PDYN: variants seen among roughly 807,000 people sequenced by gnomAD.
The protein encoded by PDYN is prodynorphin.
PDYN carries 5 observed loss-of-function variants against 11.4 expected under a neutral mutation model. That is an observed-to-expected ratio of 0.44 (90% CI 0.23 to 0.92). The LOEUF (loss-of-function observed/expected upper bound fraction) is 0.92. PDYN is among the 40% of genes least tolerant of loss of function. The pLI is 0.24. For synonymous variants in PDYN, 132 were observed against 129.5 expected (o/e 1.02, Z -0.13); for missense variants, 337 against 317.3 (o/e 1.06, Z -0.47).
At chr20:1,990,812 T>C (rs1317468010) in intron 2 of PDYN, among the ~76,000 whole-genome samples, 1 of 140,474 alleles carries the variant, frequency 7.1e-6, no homozygotes, top group Non-Finnish European at 1.6e-5. Flanking sequence ...GAGAGAGAGA[T>C]GTAAAAAGAG....
rs1568539384 is a variant in PDYN at position 1,982,989 on chromosome 20, C to A, written c.96G>T (p.Lys32Asn). ...CLSRCSLCAV[K>N]TQDGPKPINP... ...TGATAGGTTTGGGACCATCCTGGGT[C>A]TTTACAGCACACAAGGAGCACCGCG... Residue 32 changes from lysine (K) to asparagine (N), a missense_variant, in exon 3 of 4, where the codon AAG becomes AAT. By Grantham distance (94) the Lys-to-Asn change is moderately conservative. Transcript: ENST00000217305. 1 of 1,614,084 alleles carries A rather than the reference C, an allele frequency of 6.2e-7. No homozygotes were observed.
chr20:1,991,911 C>A (rs1352495918), intron 2 of PDYN, among the ~76,000 whole-genome samples: 6 of 152,070 alleles, frequency 3.9e-5, no homozygotes, highest in Admixed American at 2.0e-4. Context: ...GGAGCACCAG[C>A]CCCTCAAATG....
At chr20:1,992,032 G>A (rs542414012) in intron 2 of PDYN, among the ~76,000 whole-genome samples, 18 of 152,242 alleles carry the variant, frequency 1.2e-4, no homozygotes, top group African/African-American at 2.6e-4. Context: ...TCACCACTTC[G>A]GAACAGTGAA....
At chr20:1,989,590 G>T in intron 2 of PDYN, among the ~76,000 whole-genome samples, 1 of 152,194 alleles carries the variant, frequency 6.6e-6, no homozygotes, top group East Asian at 1.9e-4. Context: ...AGGGCTCAGA[G>T]GAGCCGCAAG....
intron 2 of PDYN, among the ~76,000 whole-genome samples, chr20:1,985,138 C>A (rs1165323754): frequency 6.6e-6 from 1 of 152,132 alleles, no homozygotes; most frequent in Non-Finnish European, 1.5e-5. Flanking sequence ...CCCATCCCTG[C>A]AAACTGCCGT....
chr20:1,991,897 G>A (rs944326425), intron 2 of PDYN, among the ~76,000 whole-genome samples: 13 of 152,144 alleles, frequency 8.5e-5, no homozygotes, highest in Admixed American at 3.9e-4. Context: ...ATGGGGAGGG[G>A]AAAGGAGCAC....
intron 2 of PDYN, among the ~76,000 whole-genome samples, chr20:1,984,930 C>T (rs375735993): frequency 3.9e-5 from 6 of 152,152 alleles, no homozygotes; most frequent in South Asian, 4.2e-4. Flanking sequence ...TCATAGTCAG[C>T]GCTTTATAAA....
At chr20:1,993,137 G>A (rs1988523726) in intron 1 of PDYN, among the ~76,000 whole-genome samples, 1 of 149,384 alleles carries the variant, frequency 6.7e-6, no homozygotes, top group Non-Finnish European at 1.5e-5. Context: ...CTGAATATGG[G>A]TCTCTGGACC....
intron 2 of PDYN, among the ~76,000 whole-genome samples, chr20:1,986,486 C>T (rs372444634): frequency 6.6e-6 from 1 of 152,328 alleles, no homozygotes; most frequent in African/African-American, 2.4e-5. Flanking sequence ...TGTCCACTGG[C>T]TTCCAGAGGA....
intron 2 of PDYN, among the ~76,000 whole-genome samples, chr20:1,984,866 T>G (rs1988080722): frequency 6.6e-6 from 1 of 151,908 alleles, no homozygotes; most frequent in Admixed American, 6.6e-5. Context: ...GCCACTGCAC[T>G]CCAGCCTGGG....
chr20:1,980,833 C>A lies in PDYN; in HGVS notation c.255G>T (p.Lys85Asn), dbSNP rs746152392. Residue 85 changes from lysine to asparagine, a missense_variant, in exon 4 of 4, where the codon AAG (lysine) becomes AAT (asparagine). Physicochemically the swap from Lys to Asn is moderately conservative, Grantham distance 94. Transcript: ENST00000217305. ...GLNDKEDLGS[K>N]SVGEGPYSEL... Reference sequence around the variant, plus strand: ...CACTGTAGGGCCCTTCCCCAACCGACTTGCTCCCCAAGTCCTCCTTGTCAT... The same window carrying A: ...CACTGTAGGGCCCTTCCCCAACCGAATTGCTCCCCAAGTCCTCCTTGTCAT... 8 of 1,614,146 alleles carry A rather than the reference C, an allele frequency of 5.0e-6. No individual in the cohort carries two copies. In the African/African-American group the frequency reaches 1.1e-4, roughly 22 times the overall value.
At chr20:1,984,946 C>T (rs933025418) in intron 2 of PDYN, among the ~76,000 whole-genome samples, 12 of 152,052 alleles carry the variant, frequency 7.9e-5, no homozygotes, top group African/African-American at 2.9e-4. Flanking sequence ...ATAAATCAGA[C>T]ATCAAGACTC....
chr20:1,982,883 C>A (rs374354697), intron 3 of PDYN, 73 bp downstream of exon 3: 2 of 1,541,638 alleles, frequency 1.3e-6, no homozygotes. Context: ...CCCAGGCCTG[C>A]AACCTCCCCT....
At chr20:1,987,535 C>G (rs759537516) in intron 2 of PDYN, among the ~76,000 whole-genome samples, 7 of 152,228 alleles carry the variant, frequency 4.6e-5, no homozygotes, top group Non-Finnish European at 8.8e-5. Flanking sequence ...CTGCCGACTG[C>G]CTGACAGACA....
At chr20:1,981,025 T>G in intron 3 of PDYN, 67 bp from the exon 4 acceptor site, 1 of 1,588,236 alleles carries the variant, frequency 6.3e-7, no homozygotes, top group Admixed American at 1.7e-5. Flanking sequence ...TGCCCCAGGC[T>G]CCCCTGTCCA....
At chr20:1,985,966 C>G (rs1298138814) in intron 2 of PDYN, among the ~76,000 whole-genome samples, 2 of 152,216 alleles carry the variant, frequency 1.3e-5, no homozygotes. Flanking sequence ...GCTTCCCACA[C>G]AGCTTAGCTG....
In PDYN at chr20:1,979,303, CCAGATGGCTTGGACTCTTGG is replaced by C. The variant is rs1387372078; in HGVS notation, c.*1000_*1019del. ...CCCAATGCCCAGTGCGTATGTTGGG[CCAGATGGCTTGGACTCTTGG>C]CAGCCAATTCAGCTGCTCAAGAACA... On this transcript the variant is annotated 3_prime_UTR_variant, in exon 4 of 4. Transcript: ENST00000217305. 2 of 152,726 alleles carry C rather than the reference CCAGATGGCTTGGACTCTTGG, an allele frequency of 1.3e-5. No individual in the cohort carries two copies. Among genetic ancestry groups the C allele is most frequent in the Non-Finnish European group, 2.9e-5 (2 of 68,370 alleles). The allele number at this position is 152,726 out of a possible 1,614,324, so 9.5% of individuals were successfully genotyped here. A position where few individuals can be genotyped will look rare whatever the true frequency, so the allele number is the denominator to read the frequency against.
intron 2 of PDYN, among the ~76,000 whole-genome samples, chr20:1,985,104 G>A (rs1988101366): frequency 6.6e-6 from 1 of 152,036 alleles, no homozygotes; most frequent in South Asian, 2.1e-4. Flanking sequence ...CTCAGAAAAG[G>A]CTGTCCTCTT....
Position 1,979,995 on chromosome 20 carries a change from G to T in PDYN, c.*328C>A. ...AAGAACACATCGCTCTGGTTCCCTGGAATTGAGGAGTCACGTGAACAGGTT... is the reference window on the plus strand; with the variant it reads ...AAGAACACATCGCTCTGGTTCCCTGTAATTGAGGAGTCACGTGAACAGGTT... On this transcript the variant is annotated 3_prime_UTR_variant, in exon 4 of 4. Coordinates refer to ENST00000217305, the MANE Select transcript of PDYN (RefSeq NM_024411.5). The T allele has an allele frequency of 2.4e-6, 1 of 414,096 alleles. No individual in the cohort carries two copies. The highest frequency in any genetic ancestry group is 2.2e-5 in the South Asian group (1 of 46,220). 25.7% of individuals were successfully genotyped at this position (414,096 alleles called of 1,614,324 possible).
Sources: gnomAD v4.1 joint callset for allele counts (sites outside exome capture counted in the v4.1 genomes callset) on GRCh38, gnomAD v4.1.1 for gene constraint, MANE v1.5 for transcripts, NCBI Gene and HGNC (gene_info 2026-07-23, HGNC 2026-07-21) for gene names.